APBB2: variants seen among roughly 807,000 people sequenced by gnomAD.
APBB2 encodes the protein amyloid beta precursor protein binding family B member 2, also known as Fe65-like 1.
A neutral mutation model predicts 82.5 loss-of-function variants in APBB2; 38 were observed. The observed-to-expected ratio is 0.46, with a 90% CI of 0.36 to 0.60. The LOEUF (loss-of-function observed/expected upper bound fraction) is 0.60. APBB2 is among the 20% of genes least tolerant of loss of function. The pLI is 0.00. For synonymous variants in APBB2, 341 were observed against 368.2 expected, an observed-to-expected ratio of 0.93 and a Z score of 0.85; for missense variants, 772 against 972.3, an observed-to-expected ratio of 0.79 and a Z score of 2.74.
intron 4 of APBB2, among the ~76,000 whole-genome samples, chr4:41,049,349 G>GGAGGGAGGTGGGGGGT (rs1724904858): frequency 2.4e-5 from 2 of 82,980 alleles, no homozygotes; most frequent in East Asian, 7.9e-4. Context: ...TCTCCGACCG[G>GGAGGGAGGTGGGGGGT]CAGCCGCCCC....
chr4:40,989,707 A>G (rs1251245873), intron 6 of APBB2, among the ~76,000 whole-genome samples: 1 of 152,208 alleles, frequency 6.6e-6, no homozygotes, highest in Non-Finnish European at 1.5e-5. Context: ...TACTGAGTCC[A>G]GGTCTCGCTG....
At chr4:40,988,130 C>T (rs1800911198) in intron 6 of APBB2, among the ~76,000 whole-genome samples, 1 of 152,064 alleles carries the variant, frequency 6.6e-6, no homozygotes, top group Non-Finnish European at 1.5e-5. Flanking sequence ...GTGACTATGC[C>T]CCAAGGATAA....
At chr4:40,957,586 T>TCA (rs1791993085) in intron 6 of APBB2, among the ~76,000 whole-genome samples, 1 of 2,832 alleles carries the variant, frequency 3.5e-4, no homozygotes, top group Non-Finnish European at 2.4e-3. Context: ...CTCATATTCC[T>TCA]TTTTTTTTTT....
At chr4:40,831,271 C>A (rs1053062388) in intron 12 of APBB2, among the ~76,000 whole-genome samples, 1 of 151,914 alleles carries the variant, frequency 6.6e-6, no homozygotes, top group Non-Finnish European at 1.5e-5. Flanking sequence ...TGGTGGCCGG[C>A]GTCTGTAATC....
intron 12 of APBB2, among the ~76,000 whole-genome samples, chr4:40,878,854 G>A (rs1462061516): frequency 6.6e-6 from 1 of 151,912 alleles, no homozygotes; most frequent in African/African-American, 2.4e-5. Flanking sequence ...TTGGCCCCAC[G>A]TCTGATCTGG....
intron 4 of APBB2, among the ~76,000 whole-genome samples, chr4:41,039,784 C>G (rs1296901239): frequency 6.7e-6 from 1 of 148,420 alleles, no homozygotes; most frequent in Non-Finnish European, 1.5e-5. Flanking sequence ...TGGTTGAGCC[C>G]AGGAGTTCAG....
chr4:41,008,047 G>A (rs1807273449), intron 6 of APBB2, among the ~76,000 whole-genome samples: 1 of 152,206 alleles, frequency 6.6e-6, no homozygotes. Context: ...GTTGCTTAGA[G>A]GAATGGAAAG....
intron 1 of APBB2, among the ~76,000 whole-genome samples, chr4:41,152,343 G>A (rs1204295931): frequency 6.8e-6 from 1 of 148,136 alleles, no homozygotes; most frequent in Non-Finnish European, 1.5e-5. Flanking sequence ...TTTTTCTTGA[G>A]ATGGAGTCTC....
chr4:41,034,266 A>G (rs1718247761), intron 4 of APBB2, among the ~76,000 whole-genome samples: 1 of 152,124 alleles, frequency 6.6e-6, no homozygotes, highest in Admixed American at 6.5e-5. Context: ...ACAATGAAGT[A>G]CCATGCTGCC....
intron 3 of APBB2, among the ~76,000 whole-genome samples, chr4:41,089,039 G>A (rs1038501454): frequency 1.3e-5 from 2 of 152,120 alleles, no homozygotes; most frequent in African/African-American, 4.8e-5. Flanking sequence ...CTGAGAGAAG[G>A]GGCATTAATT....
intron 2 of APBB2, among the ~76,000 whole-genome samples, chr4:41,101,470 C>CAAAAAAAAAAAAA (rs150527764): frequency 2.1e-4 from 15 of 72,520 alleles, no homozygotes; most frequent in Non-Finnish European, 2.6e-4. Flanking sequence ...GACTCCGTCT[C>CAAAAAAAAAAAAA]AAAAAAAAAA....
intron 15 of APBB2, among the ~76,000 whole-genome samples, chr4:40,824,966 A>C (rs530536219): frequency 6.6e-6 from 1 of 152,148 alleles, no homozygotes; most frequent in Non-Finnish European, 1.5e-5. Context: ...GTAATCACAC[A>C]GTATGCAGTC....
intron 1 of APBB2, among the ~76,000 whole-genome samples, chr4:41,144,860 C>T (rs1486794330): frequency 6.6e-6 from 1 of 152,210 alleles, no homozygotes; most frequent in East Asian, 1.9e-4. Context: ...GGCTTATGGC[C>T]TGTAATCCCA....
chr4:40,968,380 T>C (rs1795167966), intron 6 of APBB2, among the ~76,000 whole-genome samples: 1 of 152,182 alleles, frequency 6.6e-6, no homozygotes, highest in African/African-American at 2.4e-5. Flanking sequence ...GTCTACACTT[T>C]CCAGGGCCTC....
At chr4:40,952,764 G>C (rs898481065) in intron 6 of APBB2, among the ~76,000 whole-genome samples, 12 of 152,202 alleles carry the variant, frequency 7.9e-5, no homozygotes, top group African/African-American at 2.9e-4. Context: ...GGTCTTGAAT[G>C]CAAGTGCTAT....
intron 5 of APBB2, among the ~76,000 whole-genome samples, chr4:41,016,138 G>A (rs1237347935): frequency 1.3e-5 from 2 of 152,152 alleles, no homozygotes; most frequent in African/African-American, 4.8e-5. Context: ...TATTTAGAGT[G>A]AGATTATGAG....
chr4:40,944,394 T>C (rs753625173), intron 7 of APBB2, among the ~76,000 whole-genome samples: 25 of 152,322 alleles, frequency 1.6e-4, no homozygotes, highest in Non-Finnish European at 2.9e-4. Context: ...AAATAGAAAT[T>C]AAGCATCTGA....
At chr4:40,950,960 A>G (rs1286288833) in intron 6 of APBB2, among the ~76,000 whole-genome samples, 1 of 152,272 alleles carries the variant, frequency 6.6e-6, no homozygotes, top group East Asian at 1.9e-4. Context: ...TTTTACAAAC[A>G]TATCATTGAT....
intron 3 of APBB2, among the ~76,000 whole-genome samples, chr4:41,086,416 CAGA>C: frequency 6.6e-6 from 1 of 152,196 alleles, no homozygotes; most frequent in South Asian, 2.1e-4. Flanking sequence ...AAATCATTAG[CAGA>C]AGACTACTAA....
Sources: allele counts gnomAD v4.1 joint callset (sites outside exome capture counted in the v4.1 genomes callset), GRCh38; gene constraint gnomAD v4.1.1; transcripts MANE v1.5; gene names NCBI Gene and HGNC (gene_info 2026-07-23, HGNC 2026-07-21).